PIK3C3: variants seen among roughly 807,000 people sequenced by gnomAD.
PIK3C3 encodes phosphatidylinositol 3-kinase catalytic subunit type 3, also known as PI3-kinase type 3.
PIK3C3 carries 95 observed loss-of-function variants against 126.1 expected under a neutral mutation model. The observed-to-expected ratio is 0.75, with a 90% CI of 0.64 to 0.89. The LOEUF is 0.89. Ranked by LOEUF, PIK3C3 falls within the 40% of genes least tolerant of loss-of-function variation. The pLI, the probability that PIK3C3 is intolerant of heterozygous loss-of-function variation, is 0.00. For missense variants in PIK3C3, 829 were observed against 1,063.2 expected, an observed-to-expected ratio of 0.78 and a Z score of 3.06; for synonymous variants, 374 against 360.0, an observed-to-expected ratio of 1.04 and a Z score of -0.44.
At chr18:42,049,708 T>G (rs1984712407) in intron 21 of PIK3C3, 103 bp downstream of exon 21, 1 of 902,106 alleles carries the variant, frequency 1.1e-6, no homozygotes, top group East Asian at 2.6e-5. Flanking sequence ...GCGCGGTGGC[T>G]CACGCCCGTA....
chr18:41,955,390 T>G, intron 1 of PIK3C3, 31 bp downstream of exon 1: 1 of 1,589,844 alleles, frequency 6.3e-7, no homozygotes, highest in Non-Finnish European at 8.6e-7. Flanking sequence ...GGGAGTGGGA[T>G]TGCTGGGGCG....
intron 4 of PIK3C3, among the ~76,000 whole-genome samples, chr18:41,975,379 TTAAC>T (rs1438724953): frequency 4.6e-5 from 7 of 152,162 alleles, no homozygotes; most frequent in Admixed American, 4.6e-4. Flanking sequence ...CTCTGTCACT[TTAAC>T]TACATTTCAA....
At chr18:42,039,252 GCTT>G (rs1324992304) in intron 18 of PIK3C3, among the ~76,000 whole-genome samples, 2 of 152,098 alleles carry the variant, frequency 1.3e-5, no homozygotes, top group African/African-American at 4.8e-5. Context: ...TGCCCTTCCT[GCTT>G]TATACTAGTA....
chr18:42,022,925 T>A (rs1395840814), intron 13 of PIK3C3, among the ~76,000 whole-genome samples: 1 of 152,182 alleles, frequency 6.6e-6, no homozygotes, highest in Non-Finnish European at 1.5e-5. Flanking sequence ...TTTAAGGATA[T>A]GTCTTGTCGC....
chr18:42,052,314 C>T lies in PIK3C3; in HGVS notation c.2263+2709C>T, dbSNP rs577614675. Among the ~76,000 whole-genome samples the T allele has an allele frequency of 1.8e-4, 28 of 152,252 alleles. 2 individuals carry two copies. The South Asian group carries it at 5.4e-3, about 29-fold the overall frequency. ...AACAGAAGCTTTAAGCTTTTGTTAA[C>T]AGTTTTCCACTAGAGGGTGCTCCAG... On this transcript the variant is annotated intron_variant, in intron 21 of 24. Coordinates refer to ENST00000262039, the MANE Select transcript of PIK3C3 (RefSeq NM_002647.4).
chr18:41,985,563 AGT>A (rs1981430581), intron 4 of PIK3C3, among the ~76,000 whole-genome samples: 1 of 152,142 alleles, frequency 6.6e-6, no homozygotes, highest in Non-Finnish European at 1.5e-5. Context: ...AGCATTTCAT[AGT>A]GTGTGTGTAC....
chr18:42,052,150 T>C (rs1321666860), intron 21 of PIK3C3, among the ~76,000 whole-genome samples: 6 of 152,024 alleles, frequency 3.9e-5, no homozygotes, highest in African/African-American at 1.2e-4. Flanking sequence ...AAAGTGCCCT[T>C]GTGTGTATTT....
rs770983537 is a variant in PIK3C3, at chr18:42,086,419, T to A, written c.*5282T>A. The A allele has an allele frequency of 3.9e-5, 6 of 152,190 alleles. No individual in the cohort carries two copies. Among genetic ancestry groups the A allele is most frequent in the South Asian group, 4.1e-4 (2 of 4,830 alleles). 9.4% of individuals were successfully genotyped at this position (152,190 alleles called of 1,614,324 possible). ...CTCCATCTTGAGTAGGGACTGGGTA[T>A]AATGAAGCTGAGACCCACTGGGCTG... On this transcript the variant is annotated 3_prime_UTR_variant, in exon 25 of 25. Coordinates refer to ENST00000262039, the MANE Select transcript of PIK3C3 (RefSeq NM_002647.4).
chr18:42,003,016 G>T (rs1242841521), intron 9 of PIK3C3, among the ~76,000 whole-genome samples: 2 of 152,210 alleles, frequency 1.3e-5, no homozygotes, highest in African/African-American at 2.4e-5. Context: ...CTGAGAATTG[G>T]TGGACCTGAG....
At chr18:41,994,813 G>T (rs112530176) in intron 7 of PIK3C3, among the ~76,000 whole-genome samples, 1 of 152,096 alleles carries the variant, frequency 6.6e-6, no homozygotes. Flanking sequence ...CAAGGCAGGA[G>T]GATCACTTGA....
chr18:42,017,140 T>G (rs1228801403), intron 12 of PIK3C3, among the ~76,000 whole-genome samples: 1 of 151,984 alleles, frequency 6.6e-6, no homozygotes, highest in Admixed American at 6.6e-5. Flanking sequence ...CCCTATCCCT[T>G]CCCCTATTCC....
chr18:41,957,916 T>C (rs1411888214), intron 2 of PIK3C3, among the ~76,000 whole-genome samples, 158 bp downstream of exon 2: 1 of 152,280 alleles, frequency 6.6e-6, no homozygotes. Context: ...TAAAGTATTA[T>C]GCATGTCAGT....
In PIK3C3 at chr18:42,041,204, A is replaced by C. The variant is rs373178387; in HGVS notation, c.2103+463A>C. ...GTCAAAAAAAAACAAAAAAAACCCC[A>C]AAAAAACAGAGTTAATTGGTGAACA... On this transcript the variant is annotated intron_variant, in intron 19 of 24. Transcript: ENST00000262039. Among the ~76,000 whole-genome samples the C allele has an allele frequency of 6.2e-4, 95 of 152,144 alleles. 1 individual carries two copies. In the South Asian group the frequency reaches 8.9e-3, roughly 14 times the overall value.
At chr18:42,013,810 A>G (rs1000740635) in intron 11 of PIK3C3, among the ~76,000 whole-genome samples, 2 of 152,026 alleles carry the variant, frequency 1.3e-5, no homozygotes, top group East Asian at 3.8e-4. Flanking sequence ...TGAGTTAAAA[A>G]TCTTGACTCT....
At chr18:42,014,985 T>G (rs1037021451) in intron 11 of PIK3C3, among the ~76,000 whole-genome samples, 1 of 152,216 alleles carries the variant, frequency 6.6e-6, no homozygotes, top group East Asian at 1.9e-4. Context: ...GAACGTTTTG[T>G]AAGTAAAAGT....
intron 20 of PIK3C3, 71 bp from the exon 21 acceptor site, chr18:42,049,460 T>G: frequency 8.8e-7 from 1 of 1,134,246 alleles, no homozygotes; most frequent in Non-Finnish European, 1.3e-6. Context: ...CACAAACTGC[T>G]TTTATATTCA....
intron 13 of PIK3C3, among the ~76,000 whole-genome samples, chr18:42,021,506 C>T (rs906003578): frequency 6.6e-6 from 1 of 152,168 alleles, no homozygotes; most frequent in Non-Finnish European, 1.5e-5. Flanking sequence ...ACGGAGCAAA[C>T]AAAGGGCAGA....
At position 42,084,629 on chromosome 18, in the gene PIK3C3, A is replaced by AAGAT. The variant is rs1271742949; in HGVS notation, c.*3495_*3498dup. 4 of 151,642 alleles carry AAGAT rather than the reference A, an allele frequency of 2.6e-5. No individual in the cohort carries two copies. The highest frequency in any genetic ancestry group is 5.9e-5 in the Non-Finnish European group (4 of 67,946). 9.4% of individuals were successfully genotyped at this position (151,642 alleles called of 1,614,324 possible). A position where few individuals can be genotyped will look rare whatever the true frequency, so the allele number is the denominator to read the frequency against. On this transcript the variant is annotated 3_prime_UTR_variant, in exon 25 of 25. Transcript: ENST00000262039. The stretch of plus-strand genomic sequence containing the variant: ...AAAGGAAAAACAGAATAAGCCTCAG[A>AAGAT]AGATAGTGAGCATCCCACCTGGGTG...
At chr18:42,017,281 T>C (rs1051456685) in intron 12 of PIK3C3, among the ~76,000 whole-genome samples, 1 of 152,144 alleles carries the variant, frequency 6.6e-6, no homozygotes, top group Non-Finnish European at 1.5e-5. Context: ...CAGTATCTTA[T>C]GTCCTTCCTC....
Sources: allele counts gnomAD v4.1 joint callset (sites outside exome capture counted in the v4.1 genomes callset), GRCh38; gene constraint gnomAD v4.1.1; transcripts MANE v1.5; gene names NCBI Gene and HGNC (gene_info 2026-07-23, HGNC 2026-07-21).